The following KIAA1217 variants were observed in gnomAD, a reference collection of about 807,000 sequenced individuals.
The protein encoded by KIAA1217 is sickle tail protein homolog.
KIAA1217 carries 88 observed loss-of-function variants against 163.9 expected under a neutral mutation model. That is an observed-to-expected ratio of 0.54 (90% confidence interval 0.45 to 0.64). KIAA1217 has a LOEUF of 0.64. Ranked by LOEUF, KIAA1217 falls within the 30% of genes least tolerant of loss-of-function variation. The pLI, the probability that KIAA1217 is intolerant of heterozygous loss-of-function variation, is 0.00. For missense variants in KIAA1217, 2,372 were observed against 2,475.0 expected (o/e 0.96, Z 0.88); for synonymous variants, 903 against 923.1 (o/e 0.98, Z 0.39).
chr10:23,860,694 C>T (rs188815740), intron 1 of KIAA1217, among the ~76,000 whole-genome samples: 81 of 152,064 alleles, frequency 5.3e-4, no homozygotes, highest in Non-Finnish European at 8.8e-4. Context: ...ATGATGTTAA[C>T]TGTTATTAAG....
intron 2 of KIAA1217, among the ~76,000 whole-genome samples, chr10:24,088,274 T>TATATATATACACATACATAC (rs1285415158): frequency 6.5e-5 from 7 of 107,246 alleles, no homozygotes; most frequent in African/African-American, 2.2e-4. Context: ...TATATATATA[T>TATATATATACACATACATAC]ACACACATAT....
At chr10:23,973,420 A>G (rs1489683730) in intron 1 of KIAA1217, among the ~76,000 whole-genome samples, 1 of 152,262 alleles carries the variant, frequency 6.6e-6, no homozygotes, top group Non-Finnish European at 1.5e-5. Context: ...AAGTCATGCT[A>G]TTTGTAAATG....
At chr10:23,893,839 G>T (rs867695475) in intron 1 of KIAA1217, among the ~76,000 whole-genome samples, 3 of 151,782 alleles carry the variant, frequency 2.0e-5, no homozygotes, top group South Asian at 4.2e-4. Context: ...TTCAATATAC[G>T]CAAATCAATA....
At chr10:23,910,080 A>T (rs1842363831) in intron 1 of KIAA1217, among the ~76,000 whole-genome samples, 1 of 152,046 alleles carries the variant, frequency 6.6e-6, no homozygotes. Flanking sequence ...GTTCTCACTC[A>T]TAAGTGGGAG....
intron 1 of KIAA1217, among the ~76,000 whole-genome samples, chr10:23,775,996 A>T (rs1834993531): frequency 1.3e-5 from 2 of 152,240 alleles, no homozygotes; most frequent in African/African-American, 4.8e-5. Context: ...TGAAAGTTAC[A>T]TTGAATTAAA....
At chr10:24,371,630 G>A (rs1022622269) in intron 2 of KIAA1217, among the ~76,000 whole-genome samples, 2 of 152,162 alleles carry the variant, frequency 1.3e-5, no homozygotes, top group African/African-American at 4.8e-5. Flanking sequence ...AAATGAAAAC[G>A]TGTTTCCCTT....
At chr10:24,180,729 C>G (rs753604374) in intron 2 of KIAA1217, among the ~76,000 whole-genome samples, 3 of 152,214 alleles carry the variant, frequency 2.0e-5, no homozygotes, top group Non-Finnish European at 4.4e-5. Context: ...ATTAATTTGA[C>G]AATCTGTCAT....
chr10:24,507,604 AC>A (rs2068539681), intron 9 of KIAA1217, among the ~76,000 whole-genome samples: 1 of 152,218 alleles, frequency 6.6e-6, no homozygotes, highest in African/African-American at 2.4e-5. Flanking sequence ...GTATAGAGAG[AC>A]AAGAGACTAA....
At chr10:24,026,816 T>G (rs1396456257) in intron 2 of KIAA1217, among the ~76,000 whole-genome samples, 1 of 148,552 alleles carries the variant, frequency 6.7e-6, no homozygotes, top group East Asian at 2.0e-4. Context: ...TTTTCCAAGG[T>G]GGATGCTTAG....
At chr10:24,033,128 G>A (rs372045066) in intron 2 of KIAA1217, among the ~76,000 whole-genome samples, 1 of 152,270 alleles carries the variant, frequency 6.6e-6, no homozygotes, top group African/African-American at 2.4e-5. Context: ...ATAATTTTAA[G>A]ATTCTTTTAC....
At chr10:24,440,293 C>A (rs1159068092) in intron 5 of KIAA1217, among the ~76,000 whole-genome samples, 1 of 152,148 alleles carries the variant, frequency 6.6e-6, no homozygotes, top group Non-Finnish European at 1.5e-5. Context: ...TATTACAGCA[C>A]CATTTGCCTT....
chr10:24,423,269 A>G (rs955195868), intron 3 of KIAA1217, among the ~76,000 whole-genome samples: 1 of 146,634 alleles, frequency 6.8e-6, no homozygotes, highest in Non-Finnish European at 1.5e-5. Context: ...GTTTCCTCAC[A>G]CTTATGAGTC....
At chr10:23,915,702 G>A (rs894126598) in intron 1 of KIAA1217, among the ~76,000 whole-genome samples, 3 of 152,142 alleles carry the variant, frequency 2.0e-5, no homozygotes, top group Admixed American at 2.0e-4. Context: ...TTATTGGGAA[G>A]GTGCTTCTAG....
At chr10:24,529,477 A>G (rs1417638572) in intron 14 of KIAA1217, among the ~76,000 whole-genome samples, 1 of 152,090 alleles carries the variant, frequency 6.6e-6, no homozygotes, top group Non-Finnish European at 1.5e-5. Flanking sequence ...ATTTTTTGGA[A>G]TGTGGAGGGA....
chr10:24,255,629 G>GC lies in KIAA1217; in HGVS notation c.354+35727dup, dbSNP rs548175638. Reference sequence around the variant, plus strand: ...AGTGGCCTGATTCTGGGGTTTCCCTGCCCCCCCTGGGGTCCCTAAACTGCT... The same window carrying GC: ...AGTGGCCTGATTCTGGGGTTTCCCTGCCCCCCCCTGGGGTCCCTAAACTGCT... On this transcript the variant is annotated intron_variant, in intron 2 of 20. Transcript: ENST00000376454. 1.0e-3 allele frequency: 441 copies of GC among 433,480 alleles called. 2 individuals carry two copies. The highest frequency in any genetic ancestry group is 6.7e-3 in the African/African-American group (327 of 49,088). The allele number at this position is 433,480 out of a possible 1,614,324, so 26.9% of individuals were successfully genotyped here.
intron 19 of KIAA1217, 115 bp from the exon 20 acceptor site, chr10:24,544,866 A>T: frequency 1.8e-6 from 2 of 1,136,024 alleles, no homozygotes; most frequent in Non-Finnish European, 2.6e-6. Context: ...TCTGTCCTGC[A>T]TGTAGGGCTG....
chr10:24,255,717 T>C (rs568681367), intron 2 of KIAA1217: 1 of 258,200 alleles, frequency 3.9e-6, no homozygotes, highest in East Asian at 1.3e-4. Context: ...CAGTCGCTTC[T>C]TGCTGAGGAT....
At chr10:24,534,678 G>A (rs1056654132) in intron 16 of KIAA1217, among the ~76,000 whole-genome samples, 5 of 151,768 alleles carry the variant, frequency 3.3e-5, no homozygotes, top group African/African-American at 1.2e-4. Context: ...TCAGGAGTTC[G>A]AGACCAACCT....
rs764434109 is a variant in KIAA1217 at position 24,533,119 on chromosome 10, A to G, written c.3296A>G (p.Tyr1099Cys). 2.5e-6 allele frequency: 4 copies of G among 1,613,844 alleles called. No homozygotes were observed. Among genetic ancestry groups the G allele is most frequent in the Admixed American group, 1.7e-5 (1 of 59,996 alleles). The change falls in exon 16 of 21, where the codon TAT becomes TGT. Residue 1099 changes from tyrosine to cysteine, a missense_variant. Tyr to Cys is a radical substitution (Grantham distance 194). This residue lies in a region of KIAA1217 where 1,431 missense variants were observed against 1,470.3 expected (regional missense o/e 0.97). Transcript: ENST00000376454. ...GPSPQTRATK[Y>C]PAEEPASAWT... ...AGCCCACAGACCAGAGCTACAAAAT[A>G]TCCAGCAGAGGAGCCTGCTTCAGCC...
Sources: gnomAD v4.1 joint callset for allele counts (sites outside exome capture counted in the v4.1 genomes callset) on GRCh38, gnomAD v4.1.1 for gene constraint, gnomAD v4.1.1 regional missense constraint, MANE v1.5 for transcripts, NCBI Gene and HGNC (gene_info 2026-07-23, HGNC 2026-07-21) for gene names.